Variants in CEP170 observed in about 807,000 individuals in gnomAD.
CEP170 encodes centrosomal protein 170.
In CEP170, 21 loss-of-function variants were observed where a neutral mutation model predicts 151.9. The ratio of observed to expected loss-of-function variants is 0.14; its 90% CI spans 0.10 to 0.20. The LOEUF (loss-of-function observed/expected upper bound fraction) is 0.20, where lower values mean the gene tolerates loss of function less well. CEP170 is among the 10% of genes least tolerant of loss of function. The probability of loss-of-function intolerance (pLI) is 1.00; values close to 1 mark genes in which losing one functional copy is unlikely to be tolerated. For synonymous variants in CEP170, 356 were observed against 648.8 expected (o/e 0.55, Z 6.86); for missense variants, 964 against 1,892.9 (o/e 0.51, Z 9.11).
At chr1:243,236,699 A>C (rs1484825964) in intron 1 of CEP170, among the ~76,000 whole-genome samples, 2 of 152,178 alleles carry the variant, frequency 1.3e-5, no homozygotes, top group Non-Finnish European at 2.9e-5. Context: ...AATAACTATA[A>C]ATCTAAAAAA....
At chr1:243,195,815 T>A (rs903594155) in intron 7 of CEP170, among the ~76,000 whole-genome samples, 40 of 152,180 alleles carry the variant, frequency 2.6e-4, no homozygotes, top group African/African-American at 8.9e-4. Flanking sequence ...ACTATTTTCC[T>A]CATCCTATAT....
chr1:243,233,200 A>G (rs2063913518), intron 1 of CEP170, among the ~76,000 whole-genome samples: 2 of 152,230 alleles, frequency 1.3e-5, no homozygotes, highest in Non-Finnish European at 2.9e-5. Context: ...ACACTGGCCC[A>G]GCATCACAGT....
chr1:243,137,631 G>A (rs1027546332), intron 16 of CEP170, among the ~76,000 whole-genome samples: 3 of 151,916 alleles, frequency 2.0e-5, no homozygotes, highest in Admixed American at 1.3e-4. Context: ...AAAAATTAGC[G>A]GGGCGTGCTG....
At chr1:243,248,212 T>C (rs1479155077) in intron 1 of CEP170, among the ~76,000 whole-genome samples, 1 of 152,252 alleles carries the variant, frequency 6.6e-6, no homozygotes, top group African/African-American at 2.4e-5. Flanking sequence ...TGATTTCTTA[T>C]GAAGTATTTA....
At chr1:243,150,597 AG>A (rs1282801943) in intron 14 of CEP170, among the ~76,000 whole-genome samples, 1 of 152,230 alleles carries the variant, frequency 6.6e-6, no homozygotes, top group Non-Finnish European at 1.5e-5. Context: ...AGCACAAATA[AG>A]GTAAGCCCAG....
In CEP170 at chr1:243,186,727, T is replaced by G. The variant is rs561552140; in HGVS notation, c.1109-305A>C. On this transcript the variant is annotated intron_variant, in intron 8 of 19. Coordinates refer to ENST00000366542, the MANE Select transcript of CEP170 (RefSeq NM_014812.3). ...TGCTCTATCTCTGCGATATTTGTATTCCTAACATCAATAAACATTAATTCT... is the reference window on the plus strand; with the variant it reads ...TGCTCTATCTCTGCGATATTTGTATGCCTAACATCAATAAACATTAATTCT... 8.5e-5 allele frequency among the ~76,000 whole-genome samples: 13 copies of G among 152,332 alleles called. No individual in the cohort carries two copies. The South Asian group carries it at 2.7e-3, about 32-fold the overall frequency.
In CEP170 at chr1:243,205,716, A is replaced by G. The variant is rs1420027806; in HGVS notation, c.275-4881T>C. Among the ~76,000 whole-genome samples, 3 of 152,228 alleles carry G rather than the reference A, an allele frequency of 2.0e-5. No individual in the cohort carries two copies. In the East Asian group the frequency reaches 5.8e-4, roughly 29 times the overall value. ...TACTTATATAAATACTAAAATATGC[A>G]TAACACTCAGCAAAGTAAAATTCAC... On this transcript the variant is annotated intron_variant, in intron 4 of 19. Coordinates refer to ENST00000366542, the MANE Select transcript of CEP170 (RefSeq NM_014812.3).
At chr1:243,178,504 C>G (rs2059403432) in intron 10 of CEP170, among the ~76,000 whole-genome samples, 1 of 151,814 alleles carries the variant, frequency 6.6e-6, no homozygotes. Flanking sequence ...TGCCAGGAGG[C>G]TGGGAGAGGA....
chr1:243,181,701 G>A (rs1208812770), intron 10 of CEP170, among the ~76,000 whole-genome samples: 1 of 152,148 alleles, frequency 6.6e-6, no homozygotes, highest in Non-Finnish European at 1.5e-5. Context: ...GGCATTCTGT[G>A]CTCATCATAG....
chr1:243,210,256 T>C (rs1157882196), intron 4 of CEP170, among the ~76,000 whole-genome samples: 1 of 152,200 alleles, frequency 6.6e-6, no homozygotes, highest in Admixed American at 6.5e-5. Context: ...AAAGTTAACT[T>C]GACAGAGTTT....
At chr1:243,246,248 T>TTC (rs1558152110) in intron 1 of CEP170, among the ~76,000 whole-genome samples, 2 of 149,174 alleles carry the variant, frequency 1.3e-5, no homozygotes, top group African/African-American at 5.0e-5. Flanking sequence ...TTTTTTTTTT[T>TTC]TGAGACAGAG....
In CEP170 at chr1:243,126,579, C is replaced by T. The variant is rs757113593; in HGVS notation, c.4625G>A (p.Arg1542Lys). The T allele has an allele frequency of 6.3e-7, 1 of 1,574,988 alleles. No homozygotes were observed. The highest frequency in any genetic ancestry group is 1.9e-5 in the Admixed American group (1 of 53,526). Residue 1542 changes from arginine (R) to lysine (K), a missense_variant, in exon 20 of 20, where the codon AGG (arginine) becomes AAG (lysine). Coordinates refer to ENST00000366542, the MANE Select transcript of CEP170 (RefSeq NM_014812.3). The part of the protein sequence containing the change: ...QTPTLGQPEA[R>K]ALHPAAVSAA... ...TGAAACAGCAGCAGGATGAAGAGCC[C>T]TAGCTTCTGGTTGGCCAAGTGTTGG...
intron 4 of CEP170, among the ~76,000 whole-genome samples, chr1:243,204,140 A>G (rs1028721532): frequency 6.6e-6 from 1 of 152,168 alleles, no homozygotes; most frequent in Non-Finnish European, 1.5e-5. Context: ...CTATTTTTGA[A>G]ATTTGAAAAA....
chr1:243,190,364 C>T (rs1301980983), intron 8 of CEP170, among the ~76,000 whole-genome samples: 2 of 152,028 alleles, frequency 1.3e-5, no homozygotes, highest in Non-Finnish European at 2.9e-5. Context: ...TACAAACATA[C>T]AAATTGTACT....
At chr1:243,206,047 G>A (rs189764720) in intron 4 of CEP170, among the ~76,000 whole-genome samples, 24 of 152,102 alleles carry the variant, frequency 1.6e-4, no homozygotes, top group Admixed American at 1.4e-3. Context: ...CAGGGACAAA[G>A]GAAAATAATG....
At chr1:243,212,564 A>G (rs1371283244) in intron 3 of CEP170, among the ~76,000 whole-genome samples, 1 of 152,174 alleles carries the variant, frequency 6.6e-6, no homozygotes, top group African/African-American at 2.4e-5. Context: ...CAACTATTTA[A>G]TATTTACTCA....
At chr1:243,148,318 C>T (rs1242004286) in intron 14 of CEP170, among the ~76,000 whole-genome samples, 3 of 152,082 alleles carry the variant, frequency 2.0e-5, no homozygotes, top group Non-Finnish European at 4.4e-5. Context: ...TGCCTGTAAT[C>T]CTAGCACTTT....
intron 1 of CEP170, among the ~76,000 whole-genome samples, chr1:243,228,946 G>T (rs1467185250): frequency 1.3e-5 from 2 of 152,162 alleles, no homozygotes; most frequent in Admixed American, 6.5e-5. Flanking sequence ...TTTATTTCTT[G>T]AGCTGGGGAA....
At chr1:243,147,079 C>G (rs540006634) in intron 14 of CEP170, among the ~76,000 whole-genome samples, 14 of 152,114 alleles carry the variant, frequency 9.2e-5, no homozygotes, top group Admixed American at 7.2e-4. Flanking sequence ...GAAATGCTAT[C>G]TCCAAATAAA....
Sources: gnomAD v4.1 joint callset for allele counts (sites outside exome capture counted in the v4.1 genomes callset) on GRCh38, gnomAD v4.1.1 for gene constraint, MANE v1.5 for transcripts, NCBI Gene and HGNC (gene_info 2026-07-23, HGNC 2026-07-21) for gene names.